Variants in NPSR1 observed in about 807,000 individuals in gnomAD.
NPSR1 encodes the protein neuropeptide S receptor 1.
NPSR1 carries 48 observed loss-of-function variants against 46.9 expected under a neutral mutation model. That is an observed-to-expected ratio of 1.02 (90% CI 0.81 to 1.30). The LOEUF (loss-of-function observed/expected upper bound fraction) is 1.30, where lower values mean the gene tolerates loss of function less well. Among genes scored for constraint, NPSR1 ranks in the 50% most tolerant of loss-of-function variants. NPSR1 has a pLI of 0.00. For missense variants in NPSR1, 450 were observed against 449.5 expected (o/e 1.00, Z -0.01); for synonymous variants, 176 against 168.1 (o/e 1.05, Z -0.36).
chr7:34,862,889 T>G lies in NPSR1; in HGVS notation c.1025+14226T>G, dbSNP rs112975507. ...TGGGTGATAAATTATATGGTCACTG[T>G]AAATATAGACCATCATATGTTCTAC... On this transcript the variant is annotated intron_variant, in intron 8 of 8. Transcript: ENST00000359791. Among the ~76,000 whole-genome samples the G allele has an allele frequency of 4.2e-3, 638 of 151,868 alleles. 25 individuals are homozygous for G. Among genetic ancestry groups the G allele is most frequent in the African/African-American group, 0.015 (618 of 41,150 alleles).
intron 3 of NPSR1, among the ~76,000 whole-genome samples, chr7:34,782,378 G>A (rs886198298): frequency 2.0e-5 from 3 of 152,102 alleles, no homozygotes; most frequent in Non-Finnish European, 4.4e-5. Flanking sequence ...TCCCTGGTGG[G>A]GGGAAAGATC....
rs570776719 is a variant in NPSR1 at position 34,729,130 on chromosome 7, C to T, written c.280+44446C>T. ...TCTCCCAGGAAGCCTTATCAACCCA[C>T]AGTCCAGAACCACCTTCACCGTTTG... is the stretch of plus-strand genomic sequence containing the variant. On this transcript the variant is annotated intron_variant, in intron 2 of 8. Transcript: ENST00000360581. Among the ~76,000 whole-genome samples, 4 of 152,272 alleles carry T rather than the reference C, an allele frequency of 2.6e-5. No homozygotes were observed. The East Asian group carries it at 7.7e-4, about 29-fold the overall frequency.
At chr7:34,668,780 C>A (rs183298812) in intron 1 of NPSR1, among the ~76,000 whole-genome samples, 141 of 152,298 alleles carry the variant, frequency 9.3e-4, no homozygotes, top group Admixed American at 3.1e-3. Flanking sequence ...AGTAACGAAC[C>A]TTGCCCTGGC....
chr7:34,818,729 C>A (rs1433931248), intron 4 of NPSR1, among the ~76,000 whole-genome samples: 1 of 152,058 alleles, frequency 6.6e-6, no homozygotes, highest in Admixed American at 6.5e-5. Context: ...AGATATAGAC[C>A]AATGGAACAG....
intron 2 of NPSR1, among the ~76,000 whole-genome samples, chr7:34,716,327 T>C (rs994152642): frequency 5.3e-5 from 8 of 152,140 alleles, no homozygotes; most frequent in Admixed American, 5.2e-4. Context: ...CCAGACACTA[T>C]ACTTGGTGCC....
chr7:34,743,405 G>T (rs1334586587), intron 2 of NPSR1, among the ~76,000 whole-genome samples: 2 of 151,452 alleles, frequency 1.3e-5, no homozygotes, highest in Non-Finnish European at 2.9e-5. Flanking sequence ...TGAATCAGGA[G>T]TCTTTTCCCC....
intron 2 of NPSR1, among the ~76,000 whole-genome samples, chr7:34,699,233 A>C (rs1365711705): frequency 6.6e-6 from 1 of 152,156 alleles, no homozygotes; most frequent in Non-Finnish European, 1.5e-5. Context: ...TAATCCCAGC[A>C]CTTTGGGAGG....
At chr7:34,693,520 A>G (rs1372580835) in intron 2 of NPSR1, among the ~76,000 whole-genome samples, 1 of 152,218 alleles carries the variant, frequency 6.6e-6, no homozygotes, top group Non-Finnish European at 1.5e-5. Flanking sequence ...CAACAAAAAA[A>G]ATCTCAAGAC....
intron 3 of NPSR1, among the ~76,000 whole-genome samples, chr7:34,803,281 G>A (rs937770952): frequency 3.0e-4 from 45 of 151,914 alleles, no homozygotes; most frequent in African/African-American, 9.2e-4. Context: ...TGTTTATTGC[G>A]GCACTATTCA....
At chr7:34,732,128 T>C (rs1335188142) in intron 2 of NPSR1, among the ~76,000 whole-genome samples, 7 of 151,662 alleles carry the variant, frequency 4.6e-5, no homozygotes, top group African/African-American at 1.7e-4. Context: ...ATTCTCAGTT[T>C]GTAGAATTCA....
At chr7:34,845,758 CACCAAG>C in intron 7 of NPSR1, among the ~76,000 whole-genome samples, 1 of 152,276 alleles carries the variant, frequency 6.6e-6, no homozygotes, top group African/African-American at 2.4e-5. Flanking sequence ...CTTATATTAT[CACCAAG>C]ACCTAAAATA....
At chr7:34,700,980 G>C (rs1210796661) in intron 2 of NPSR1, among the ~76,000 whole-genome samples, 1 of 152,182 alleles carries the variant, frequency 6.6e-6, no homozygotes, top group African/African-American at 2.4e-5. Context: ...AAGAGTGAAA[G>C]TTCTCCAAAA....
chr7:34,792,567 ATATATGTGTG>A (rs1787932269), intron 3 of NPSR1, among the ~76,000 whole-genome samples: 1 of 130,290 alleles, frequency 7.7e-6, no homozygotes, highest in African/African-American at 3.0e-5. Context: ...GTACATATAT[ATATATGTGTG>A]TGTGTATATA....
intron 3 of NPSR1, among the ~76,000 whole-genome samples, chr7:34,790,988 A>ATATATGTTATATGTTATATGTTATATGT (rs1206941846): frequency 4.3e-5 from 4 of 92,694 alleles, no homozygotes; most frequent in Non-Finnish European, 6.1e-5. Context: ...ATGTTATATT[A>ATATATGTTATATGTTATATGTTATATGT]TATATGTTAT....
intron 3 of NPSR1, among the ~76,000 whole-genome samples, chr7:34,788,752 G>T (rs1787585217): frequency 6.6e-6 from 1 of 151,944 alleles, no homozygotes; most frequent in Non-Finnish European, 1.5e-5. Flanking sequence ...AGATTATCTA[G>T]ACAGATAATC....
intron 2 of NPSR1, among the ~76,000 whole-genome samples, chr7:34,733,423 AAAAAAAAAAAAG>A (rs1378406780): frequency 2.7e-5 from 4 of 150,518 alleles, no homozygotes; most frequent in Admixed American, 2.6e-4. Context: ...TGTCTTAAAA[AAAAAAAAAAAAG>A]AAAAAGAAAA....
chr7:34,802,255 G>A lies in NPSR1; in HGVS notation c.385-9515G>A, dbSNP rs970709286. Among the ~76,000 whole-genome samples the A allele has an allele frequency of 2.1e-4, 32 of 150,108 alleles. 4 individuals carry two copies. Among genetic ancestry groups the A allele is most frequent in the African/African-American group, 7.3e-4 (29 of 39,606 alleles). ...GGAACCAAAAAAGAGCTCACATCGCGAAGTCAATCCTAAGCCAAAAGAACA... is the reference window on the plus strand; with the variant it reads ...GGAACCAAAAAAGAGCTCACATCGCAAAGTCAATCCTAAGCCAAAAGAACA... On this transcript the variant is annotated intron_variant, in intron 3 of 8. Coordinates refer to ENST00000360581, the MANE Select transcript of NPSR1 (RefSeq NM_207172.2).
intron 2 of NPSR1, among the ~76,000 whole-genome samples, chr7:34,729,335 G>T (rs1406870274): frequency 6.6e-6 from 1 of 152,066 alleles, no homozygotes; most frequent in African/African-American, 2.4e-5. Context: ...CCAGAGAGGG[G>T]TTGAATCCCT....
At chr7:34,738,600 T>G (rs756940818) in intron 2 of NPSR1, among the ~76,000 whole-genome samples, 14 of 152,216 alleles carry the variant, frequency 9.2e-5, no homozygotes, top group Non-Finnish European at 1.6e-4. Context: ...CACAAATACT[T>G]TTTCAGCTGG....
Sources: gnomAD v4.1 joint callset for allele counts (sites outside exome capture counted in the v4.1 genomes callset) on GRCh38, gnomAD v4.1.1 for gene constraint, MANE v1.5 for transcripts, NCBI Gene and HGNC (gene_info 2026-07-23, HGNC 2026-07-21) for gene names.